RAI1: variants seen among roughly 807,000 people sequenced by gnomAD.
The protein encoded by RAI1 is retinoic acid induced 1.
In RAI1, 9 loss-of-function variants were observed where a neutral mutation model predicts 123.8. That is an observed-to-expected ratio of 0.07 (90% CI 0.04 to 0.13). The LOEUF is 0.13. Ranked by LOEUF, RAI1 falls within the 10% of genes least tolerant of loss-of-function variation. The pLI is 1.00. For missense variants in RAI1, 2,256 were observed against 2,545.8 expected, an observed-to-expected ratio of 0.89 and a Z score of 2.45; for synonymous variants, 1,231 against 1,127.3, an observed-to-expected ratio of 1.09 and a Z score of -1.84.
At chr17:17,687,596 G>T (rs76576285) in intron 1 of RAI1, among the ~76,000 whole-genome samples, 1 of 152,224 alleles carries the variant, frequency 6.6e-6, no homozygotes, top group African/African-American at 2.4e-5. Context: ...AGATAGGGTC[G>T]GGGTAGGGGA....
rs777450192 is a variant in RAI1, at chr17:17,800,188, C to CTGTCTCTG, written c.5565+1676_5565+1677insGTCTCTGT. 8.5e-6 allele frequency among the ~76,000 whole-genome samples: 1 copy of CTGTCTCTG among 117,730 alleles called. No homozygotes were observed. Among genetic ancestry groups the CTGTCTCTG allele is most frequent in the Non-Finnish European group, 1.8e-5 (1 of 54,248 alleles). 77.2% of individuals were successfully genotyped at this position (117,730 alleles called of 152,430 possible). A position where few individuals can be genotyped will look rare whatever the true frequency, so the allele number is the denominator to read the frequency against. On this transcript the variant is annotated intron_variant, in intron 3 of 5. Coordinates refer to ENST00000353383, the MANE Select transcript of RAI1 (RefSeq NM_030665.4). This position sits in a 1 kb window ranked among gnomAD's most constrained non-coding sequence, Gnocchi z 4.7. ...GCTTTCTGTCTCTCTCTGTCTCTCT[C>CTGTCTCTG]TCTCTCTCTCTCTCTCTCTCTCTCT...
chr17:17,713,980 C>CCA (rs1336603197), intron 1 of RAI1, among the ~76,000 whole-genome samples: 1 of 152,132 alleles, frequency 6.6e-6, no homozygotes, highest in Admixed American at 6.5e-5. Context: ...GGTCAAGTCA[C>CCA]AGGACCAGAG....
At chr17:17,807,865 T>C (rs2032625180) in intron 4 of RAI1, among the ~76,000 whole-genome samples, 1 of 152,188 alleles carries the variant, frequency 6.6e-6, no homozygotes, top group Admixed American at 6.5e-5. Flanking sequence ...GTGGCACATC[T>C]CTAGCTGCTG....
intron 1 of RAI1, among the ~76,000 whole-genome samples, chr17:17,712,696 G>A (rs1915602154): frequency 6.6e-6 from 1 of 152,144 alleles, no homozygotes; most frequent in Non-Finnish European, 1.5e-5. Flanking sequence ...GTGATGATGC[G>A]GCCTGAACAG....
Position 17,810,177 on chromosome 17 carries a change from A to C in RAI1, c.*196A>C. ...CTTGCGGCCCCGGGTTGGGAGGAAA[A>C]CCCGTTCCGGAGCCGCCTGCTCCCG... On this transcript the variant is annotated 3_prime_UTR_variant, in exon 6 of 6. Coordinates refer to ENST00000353383, the MANE Select transcript of RAI1 (RefSeq NM_030665.4). This position sits in a 1 kb window ranked among gnomAD's most constrained non-coding sequence, Gnocchi z 4.6. 1.3e-6 allele frequency: 1 copy of C among 774,552 alleles called. No individual in the cohort carries two copies. The highest frequency in any genetic ancestry group is 2.0e-6 in the Non-Finnish European group (1 of 509,712). The allele number at this position is 774,552 out of a possible 1,614,324, so 48.0% of individuals were successfully genotyped here. A position where few individuals can be genotyped will look rare whatever the true frequency, so the allele number is the denominator to read the frequency against.
intron 1 of RAI1, among the ~76,000 whole-genome samples, chr17:17,693,507 A>G (rs1322208700): frequency 6.6e-6 from 1 of 152,196 alleles, no homozygotes; most frequent in Admixed American, 6.5e-5. Flanking sequence ...GGGGGCTCCA[A>G]AGCCATTGTC....
intron 1 of RAI1, chr17:17,682,430 G>A (rs1157559028): frequency 6.6e-6 from 1 of 151,026 alleles, no homozygotes. Context: ...TAGCGGCCAG[G>A]CCCGGGAGGC....
At chr17:17,682,842 G>A (rs912569286) in intron 1 of RAI1, among the ~76,000 whole-genome samples, 1 of 152,000 alleles carries the variant, frequency 6.6e-6, no homozygotes, top group African/African-American at 2.4e-5. Context: ...CGCGGAGCCC[G>A]GGCTGGCGGG....
rs115774491 is a variant in RAI1, at chr17:17,749,538, G to A, written c.-17+25379G>A. ...AGCATGGCCACAATTTAAATATGAG[G>A]AAACTGAAATTCAGAGAGGGGATGT... On this transcript the variant is annotated intron_variant, in intron 2 of 5. Coordinates refer to ENST00000353383, the MANE Select transcript of RAI1 (RefSeq NM_030665.4). Among the ~76,000 whole-genome samples the A allele has an allele frequency of 3.2e-3, 494 of 152,278 alleles. 7 individuals are homozygous for A. The highest frequency in any genetic ancestry group is 0.03 in the East Asian group (154 of 5,184).
At chr17:17,760,550 A>G (rs936211170) in intron 2 of RAI1, among the ~76,000 whole-genome samples, 1 of 152,146 alleles carries the variant, frequency 6.6e-6, no homozygotes, top group African/African-American at 2.4e-5. Flanking sequence ...CTGACGTCCA[A>G]CGTCCACTCC....
intron 4 of RAI1, chr17:17,804,232 A>G (rs1396504860): frequency 1.5e-5 from 5 of 326,220 alleles, no homozygotes; most frequent in Non-Finnish European, 3.0e-5. Flanking sequence ...CAGCAGAGAC[A>G]AGGGGAAAGG....
At chr17:17,771,787 C>T (rs1163950512) in intron 2 of RAI1, among the ~76,000 whole-genome samples, 1 of 152,230 alleles carries the variant, frequency 6.6e-6, no homozygotes, top group Non-Finnish European at 1.5e-5. Flanking sequence ...CCCCCAGCAC[C>T]CGCCTTTCAT....
intron 1 of RAI1, among the ~76,000 whole-genome samples, chr17:17,687,011 T>TCAA (rs1053150691): frequency 6.6e-6 from 1 of 151,558 alleles, no homozygotes; most frequent in Non-Finnish European, 1.5e-5. Flanking sequence ...TGAGATGGAG[T>TCAA]CTTGCTCTGT....
At chr17:17,803,945 C>T in intron 4 of RAI1, 96 bp downstream of exon 4, 1 of 1,181,748 alleles carries the variant, frequency 8.5e-7, no homozygotes, top group Non-Finnish European at 1.3e-6. Context: ...CAGGCCCCAT[C>T]TCACTCTTCA....
chr17:17,682,738 C>G (rs931482349), intron 1 of RAI1, among the ~76,000 whole-genome samples: 5 of 152,144 alleles, frequency 3.3e-5, no homozygotes, highest in African/African-American at 1.2e-4. Context: ...CTGGGGCGCC[C>G]GTTTTCCCGG....
Position 17,811,260 on chromosome 17 carries a change from T to C in RAI1, c.*1279T>C. The C allele has an allele frequency of 3.1e-6, 1 of 325,854 alleles. No individual in the cohort carries two copies. Among genetic ancestry groups the C allele is most frequent in the Non-Finnish European group, 6.0e-6 (1 of 167,148 alleles). The allele number at this position is 325,854 out of a possible 1,614,324, so 20.2% of individuals were successfully genotyped here. A position where few individuals can be genotyped will look rare whatever the true frequency, so the allele number is the denominator to read the frequency against. ...GTATATATATGTATACATATACATA[T>C]ATATAATATATATGAAGACTGTAAA... On this transcript the variant is annotated 3_prime_UTR_variant, in exon 6 of 6. Coordinates refer to ENST00000353383, the MANE Select transcript of RAI1 (RefSeq NM_030665.4).
chr17:17,727,647 G>A (rs192193372), intron 2 of RAI1, among the ~76,000 whole-genome samples: 4 of 152,344 alleles, frequency 2.6e-5, no homozygotes, highest in Admixed American at 2.6e-4. Context: ...CAGATGCAGT[G>A]AGGGGGTGGG....
chr17:17,744,708 T>G (rs1305212570), intron 2 of RAI1, among the ~76,000 whole-genome samples: 2 of 145,976 alleles, frequency 1.4e-5, no homozygotes, highest in African/African-American at 5.2e-5. Context: ...GAGAATCTCT[T>G]GAACGCAGGA....
At chr17:17,808,414 A>ATTATTTTATTTTATT (rs71155304) in intron 4 of RAI1, among the ~76,000 whole-genome samples, 7 of 125,892 alleles carry the variant, frequency 5.6e-5, no homozygotes, top group African/African-American at 2.3e-4. Context: ...ATTTTATTTT[A>ATTATTTTATTTTATT]TTATTTTATT....
Sources: allele counts gnomAD v4.1 joint callset (sites outside exome capture counted in the v4.1 genomes callset), GRCh38; gene constraint gnomAD v4.1.1; non-coding constraint Gnocchi (gnomAD v3.1); transcripts MANE v1.5; gene names NCBI Gene and HGNC (gene_info 2026-07-23, HGNC 2026-07-21).